The following HMCN1 variants were observed in gnomAD, a reference collection of about 807,000 sequenced individuals.
HMCN1 encodes hemicentin 1, also known as hemicentin-1.
A neutral mutation model predicts 625.9 loss-of-function variants in HMCN1; 321 were observed. The ratio of observed to expected loss-of-function variants is 0.51; its 90% confidence interval spans 0.47 to 0.56. The LOEUF is 0.56. Ranked by LOEUF, HMCN1 falls within the 20% of genes least tolerant of loss-of-function variation. The probability of loss-of-function intolerance (pLI) is 0.00; values close to 1 mark genes in which losing one functional copy is unlikely to be tolerated. For missense variants in HMCN1, 6,588 were observed against 6,887.3 expected, an observed-to-expected ratio of 0.96 and a Z score of 1.54; for synonymous variants, 2,425 against 2,417.6, an observed-to-expected ratio of 1.00 and a Z score of -0.09.
intron 1 of HMCN1, among the ~76,000 whole-genome samples, chr1:185,787,035 A>G (rs1451361427): frequency 6.6e-6 from 1 of 152,144 alleles, no homozygotes; most frequent in Non-Finnish European, 1.5e-5. Flanking sequence ...TTAATAAGCT[A>G]GAATATGTTC....
intron 28 of HMCN1, among the ~76,000 whole-genome samples, chr1:186,002,515 C>CA (rs1254713445): frequency 2.0e-5 from 3 of 152,018 alleles, no homozygotes; most frequent in African/African-American, 4.8e-5. Flanking sequence ...TTTTCTTCCA[C>CA]AAAATCACCA....
intron 22 of HMCN1, 68 bp from the exon 23 acceptor site, chr1:185,993,114 G>A: frequency 6.8e-7 from 1 of 1,465,376 alleles, no homozygotes; most frequent in Non-Finnish European, 9.5e-7. Context: ...TCATACTGAA[G>A]TGTAGCTGCA....
intron 1 of HMCN1, among the ~76,000 whole-genome samples, chr1:185,787,166 T>TGTGTGTGCGTGTGA (rs1557968652): frequency 2.0e-5 from 3 of 151,710 alleles, no homozygotes; most frequent in African/African-American, 7.3e-5. Flanking sequence ...TGTGTGTGTG[T>TGTGTGTGCGTGTGA]GTGTGTGTGT....
At chr1:185,777,346 A>G (rs1656687538) in intron 1 of HMCN1, among the ~76,000 whole-genome samples, 1 of 152,230 alleles carries the variant, frequency 6.6e-6, no homozygotes, top group African/African-American at 2.4e-5. Flanking sequence ...AGAATCTTAC[A>G]GTCTTGCTAC....
intron 46 of HMCN1, among the ~76,000 whole-genome samples, chr1:186,060,301 T>C (rs1409562826): frequency 6.6e-6 from 1 of 152,082 alleles, no homozygotes; most frequent in East Asian, 1.9e-4. Flanking sequence ...TTAACCATTA[T>C]ACTGTTTTTA....
intron 85 of HMCN1, among the ~76,000 whole-genome samples, chr1:186,130,942 A>G (rs1661903489): frequency 6.6e-6 from 1 of 152,182 alleles, no homozygotes; most frequent in Non-Finnish European, 1.5e-5. Context: ...ACATTTGGAG[A>G]TAACTTCCTC....
chr1:186,161,196 A>G (rs1397913864), intron 97 of HMCN1, among the ~76,000 whole-genome samples: 4 of 148,746 alleles, frequency 2.7e-5, no homozygotes, highest in African/African-American at 9.9e-5. Context: ...GTCTCTTTTG[A>G]TCTTTGTTGG....
intron 38 of HMCN1, among the ~76,000 whole-genome samples, chr1:186,039,303 T>C (rs1656047418): frequency 6.6e-6 from 1 of 152,154 alleles, no homozygotes; most frequent in Admixed American, 6.6e-5. Context: ...TCATAGGTAT[T>C]AACGAAATGT....
At chr1:185,966,631 A>G (rs1650424977) in intron 14 of HMCN1, among the ~76,000 whole-genome samples, 2 of 152,122 alleles carry the variant, frequency 1.3e-5, no homozygotes, top group Non-Finnish European at 2.9e-5. Context: ...AATCCTGCAA[A>G]CACCCTAACT....
intron 6 of HMCN1, among the ~76,000 whole-genome samples, chr1:185,918,678 G>T (rs547414639): frequency 6.6e-6 from 1 of 152,128 alleles, no homozygotes; most frequent in Non-Finnish European, 1.5e-5. Flanking sequence ...GTGTATTCCT[G>T]ACTCAGACCC....
chr1:186,085,308 G>A (rs1285860621), intron 57 of HMCN1, among the ~76,000 whole-genome samples: 2 of 152,064 alleles, frequency 1.3e-5, no homozygotes, highest in African/African-American at 4.8e-5. Context: ...TCTGGTGGCC[G>A]GAAAGTCCAA....
At chr1:185,943,377 GA>G (rs1353406562) in intron 11 of HMCN1, among the ~76,000 whole-genome samples, 2 of 152,200 alleles carry the variant, frequency 1.3e-5, no homozygotes, top group Non-Finnish European at 2.9e-5. Context: ...GATAGTGTCA[GA>G]ACTGAATTAA....
At chr1:185,938,328 A>T (rs1667920274) in intron 11 of HMCN1, among the ~76,000 whole-genome samples, 1 of 152,206 alleles carries the variant, frequency 6.6e-6, no homozygotes, top group African/African-American at 2.4e-5. Flanking sequence ...TAGTAGGAAG[A>T]ATCTGCTCAT....
intron 11 of HMCN1, among the ~76,000 whole-genome samples, chr1:185,938,958 C>G (rs1667952048): frequency 6.6e-6 from 1 of 151,952 alleles, no homozygotes; most frequent in Non-Finnish European, 1.5e-5. Context: ...GTTAAGTTGT[C>G]TTTCCTATGA....
intron 1 of HMCN1, among the ~76,000 whole-genome samples, chr1:185,833,462 T>A (rs1314719038): frequency 6.6e-6 from 1 of 152,152 alleles, no homozygotes; most frequent in Non-Finnish European, 1.5e-5. Context: ...GACTTAAAAA[T>A]TATAAAAAAG....
chr1:186,134,868 C>G (rs921377344), intron 86 of HMCN1, among the ~76,000 whole-genome samples: 1 of 152,140 alleles, frequency 6.6e-6, no homozygotes, highest in African/African-American at 2.4e-5. Flanking sequence ...GTATATGCTG[C>G]CCCGTTTGCT....
At chr1:185,970,042 T>C (rs1054079643) in intron 14 of HMCN1, among the ~76,000 whole-genome samples, 8 of 152,206 alleles carry the variant, frequency 5.3e-5, no homozygotes, top group African/African-American at 1.9e-4. Flanking sequence ...CCCCACTCCC[T>C]TGTTACCTAA....
chr1:186,034,486 G>T (rs1655688203), intron 36 of HMCN1, among the ~76,000 whole-genome samples: 1 of 152,166 alleles, frequency 6.6e-6, no homozygotes, highest in Non-Finnish European at 1.5e-5. Flanking sequence ...CAGAACAATT[G>T]AATCTGGTTA....
intron 1 of HMCN1, among the ~76,000 whole-genome samples, chr1:185,790,854 T>A (rs1657940078): frequency 6.6e-6 from 1 of 152,244 alleles, no homozygotes; most frequent in Non-Finnish European, 1.5e-5. Context: ...TAGCATGACA[T>A]ATAAGCCTTA....
Sources: allele counts gnomAD v4.1 joint callset (sites outside exome capture counted in the v4.1 genomes callset), GRCh38; gene constraint gnomAD v4.1.1; transcripts MANE v1.5; gene names NCBI Gene and HGNC (gene_info 2026-07-23, HGNC 2026-07-21).